Variants in FBXO25 observed in about 807,000 individuals in gnomAD.
FBXO25 encodes F-box protein 25.
Under a neutral mutation model 51.9 loss-of-function variants are expected in FBXO25, and 45 were observed. The ratio of observed to expected loss-of-function variants is 0.87; its 90% CI spans 0.68 to 1.11. FBXO25 has a LOEUF of 1.11. Among genes scored for constraint, FBXO25 ranks in the 50% most tolerant of loss-of-function variants. The pLI, the probability that FBXO25 is intolerant of heterozygous loss-of-function variation, is 0.00. For missense variants in FBXO25, 507 were observed against 428.5 expected, an observed-to-expected ratio of 1.18 and a Z score of -1.62; for synonymous variants, 199 against 151.0, an observed-to-expected ratio of 1.32 and a Z score of -2.33.
At position 458,341 on chromosome 8, in the gene FBXO25, G is replaced by A. The variant is rs201451008; in HGVS notation, c.661-28G>A. ...TGAACAAACATTGGCCATCTTCTCA[G>A]TGAGTTGCTGTTGTGTTTTCCTTTC... On this transcript the variant is annotated intron_variant, in intron 7 of 9. Coordinates refer to ENST00000350302, the MANE Select transcript of FBXO25 (RefSeq NM_183420.2). 8.4e-5 allele frequency: 135 copies of A among 1,604,506 alleles called. No individual in the cohort carries two copies. In the African/African-American group the frequency reaches 1.7e-3, roughly 21 times the overall value.
chr8:472,987 G>C lies in FBXO25; in HGVS notation c.*4183G>C, dbSNP rs1279811240. On this transcript the variant is annotated 3_prime_UTR_variant, in exon 10 of 10. Transcript: ENST00000350302. ...ATGCTACCCAATGGCAAAGCCAAGG[G>C]ATTAGCAACAGGTAGGAGGAAAAAG... 5 of 152,356 alleles carry C rather than the reference G, an allele frequency of 3.3e-5. No homozygotes were observed. The highest frequency in any genetic ancestry group is 1.2e-4 in the African/African-American group (5 of 41,462). 9.4% of individuals were successfully genotyped at this position (152,356 alleles called of 1,614,324 possible).
intron 1 of FBXO25, among the ~76,000 whole-genome samples, chr8:410,995 A>G (rs1025367011): frequency 6.6e-5 from 10 of 152,254 alleles, no homozygotes; most frequent in African/African-American, 1.7e-4. Context: ...CTAGGATTGT[A>G]TAAGTGCCCA....
chr8:463,223 A>G, intron 9 of FBXO25, 73 bp downstream of exon 9: 1 of 1,513,920 alleles, frequency 6.6e-7, no homozygotes. Context: ...CTATATTTTA[A>G]GTATAAGACT....
chr8:441,126 C>G (rs978622416), intron 5 of FBXO25, among the ~76,000 whole-genome samples: 2 of 151,014 alleles, frequency 1.3e-5, no homozygotes, highest in Non-Finnish European at 2.9e-5. Flanking sequence ...TATTACAAGG[C>G]TACAGTAACC....
chr8:431,986 A>G (rs142251994), intron 3 of FBXO25, among the ~76,000 whole-genome samples: 7,728 of 152,244 alleles, frequency 0.051, 280 homozygotes, highest in Non-Finnish European at 0.076. Context: ...ATACTACCAA[A>G]CCTTATGGAT....
intron 2 of FBXO25, among the ~76,000 whole-genome samples, chr8:422,744 G>A (rs920912806): frequency 6.6e-6 from 1 of 152,162 alleles, no homozygotes; most frequent in Non-Finnish European, 1.5e-5. Context: ...GCTGTCAGTC[G>A]TGTCTGGGGC....
At chr8:409,172 C>G (rs1389848188) in intron 1 of FBXO25, among the ~76,000 whole-genome samples, 1 of 152,066 alleles carries the variant, frequency 6.6e-6, no homozygotes, top group African/African-American at 2.4e-5. Flanking sequence ...TGCAACTTGT[C>G]TTTTTTTGTT....
At chr8:466,030 T>C (rs7843234) in intron 9 of FBXO25, among the ~76,000 whole-genome samples, 4,148 of 152,296 alleles carry the variant, frequency 0.027, 200 homozygotes, top group African/African-American at 0.094. Context: ...TGTCTTGCCC[T>C]TGGAGGCTGT....
At chr8:464,942 C>T (rs1800055566) in intron 9 of FBXO25, among the ~76,000 whole-genome samples, 1 of 152,200 alleles carries the variant, frequency 6.6e-6, no homozygotes, top group Non-Finnish European at 1.5e-5. Flanking sequence ...GAGCAGGGAA[C>T]ATCTTGATTC....
intron 7 of FBXO25, among the ~76,000 whole-genome samples, chr8:452,439 C>G (rs1020763501): frequency 6.6e-6 from 1 of 152,130 alleles, no homozygotes; most frequent in African/African-American, 2.4e-5. Flanking sequence ...GTGGGTTGTG[C>G]TAAAAGTCCA....
intron 2 of FBXO25, among the ~76,000 whole-genome samples, chr8:430,936 CAG>C (rs1286359660): frequency 2.0e-5 from 3 of 152,116 alleles, no homozygotes; most frequent in Non-Finnish European, 4.4e-5. Context: ...AGGGAGTAAA[CAG>C]AAATGTTGAG....
chr8:422,773 C>G (rs1166039288), intron 2 of FBXO25, among the ~76,000 whole-genome samples: 1 of 152,148 alleles, frequency 6.6e-6, no homozygotes, highest in African/African-American at 2.4e-5. Flanking sequence ...GCACAGGGCT[C>G]GCAATGGTGG....
In FBXO25 at chr8:474,919, A is replaced by G; in HGVS notation, c.*6115A>G. The G allele has an allele frequency of 2.2e-6, 1 of 455,914 alleles. No homozygotes were observed. Among genetic ancestry groups the G allele is most frequent in the Middle Eastern group, 3.3e-4 (1 of 3,074 alleles). 28.2% of individuals were successfully genotyped at this position (455,914 alleles called of 1,614,324 possible). On this transcript the variant is annotated 3_prime_UTR_variant, in exon 10 of 10. Coordinates refer to ENST00000350302, the MANE Select transcript of FBXO25 (RefSeq NM_183420.2). ...CCCTTTTCAGATATATCATTTTAAA[A>G]TACTTTGTCCCATTCCGTGGATTGC... is the stretch of plus-strand genomic sequence containing the variant.
At chr8:449,742 C>T (rs1367749528) in intron 5 of FBXO25, among the ~76,000 whole-genome samples, 1 of 152,196 alleles carries the variant, frequency 6.6e-6, no homozygotes, top group African/African-American at 2.4e-5. Flanking sequence ...CTTCCACTAA[C>T]TAAATGAATA....
At chr8:450,823 G>A (rs1446032582) in intron 6 of FBXO25, 1 of 156,584 alleles carries the variant, frequency 6.4e-6, no homozygotes, top group Non-Finnish European at 1.4e-5. Context: ...TTAAGTGTGT[G>A]TATATTACTG....
chr8:419,506 A>T (rs1350264553), intron 2 of FBXO25, among the ~76,000 whole-genome samples: 1 of 152,228 alleles, frequency 6.6e-6, no homozygotes, highest in Non-Finnish European at 1.5e-5. Context: ...CCATACAGAT[A>T]TGGTCGGTTT....
At chr8:432,096 T>C (rs1398709758) in intron 3 of FBXO25, among the ~76,000 whole-genome samples, 3 of 152,182 alleles carry the variant, frequency 2.0e-5, no homozygotes, top group East Asian at 1.9e-4. Flanking sequence ...GAAACAGTTA[T>C]AGCAAGATGG....
At chr8:451,143 G>C (rs1799060765) in intron 6 of FBXO25, 126 bp from the exon 7 acceptor site, 2 of 708,298 alleles carry the variant, frequency 2.8e-6, no homozygotes, top group South Asian at 4.2e-5. Flanking sequence ...ATATTCTATT[G>C]CATGTATAGA....
At chr8:433,804 C>G (rs1039272125) in intron 4 of FBXO25, among the ~76,000 whole-genome samples, 12 of 152,076 alleles carry the variant, frequency 7.9e-5, no homozygotes, top group African/African-American at 2.9e-4. Context: ...GTCCAGCTTC[C>G]AAGAAACTGA....
Sources: gnomAD v4.1 joint callset for allele counts (sites outside exome capture counted in the v4.1 genomes callset) on GRCh38, gnomAD v4.1.1 for gene constraint, MANE v1.5 for transcripts, NCBI Gene and HGNC (gene_info 2026-07-23, HGNC 2026-07-21) for gene names.